NPAS2: variants seen among roughly 807,000 people sequenced by gnomAD.
NPAS2 encodes the protein neuronal PAS domain-containing protein 2.
NPAS2 carries 23 observed loss-of-function variants against 107.5 expected under a neutral mutation model. The ratio of observed to expected loss-of-function variants is 0.21; its 90% CI spans 0.15 to 0.30. The LOEUF (loss-of-function observed/expected upper bound fraction) is 0.30. NPAS2 is among the 10% of genes least tolerant of loss of function. The pLI is 1.00. For missense variants in NPAS2, 756 were observed against 1,043.3 expected (o/e 0.72, Z 3.79); for synonymous variants, 403 against 417.5 (o/e 0.97, Z 0.42).
chr2:100,824,974 G>A (rs1470116408), intron 1 of NPAS2, among the ~76,000 whole-genome samples: 3 of 152,176 alleles, frequency 2.0e-5, no homozygotes, highest in South Asian at 2.1e-4. Context: ...GGAAGGCATC[G>A]TCAGGCATGG....
chr2:100,928,654 C>G (rs1004847124), intron 3 of NPAS2, among the ~76,000 whole-genome samples: 1 of 152,160 alleles, frequency 6.6e-6, no homozygotes, highest in Non-Finnish European at 1.5e-5. Context: ...ATTTCATATT[C>G]AAAATAAAGC....
At position 100,968,081 on chromosome 2, in the gene NPAS2, G is replaced by A. The variant is rs915155621; in HGVS notation, c.908-200G>A. On this transcript the variant is annotated intron_variant, in intron 10 of 20. Transcript: ENST00000335681. The surrounding 1 kb of genome is among the most constrained non-coding windows in gnomAD (Gnocchi z 5.3). The stretch of plus-strand genomic sequence containing the variant: ...CGTCTGAGCATTTGGGAAAGTATAT[G>A]GATCACTCTTCCACTGTTTAAGAAT... 6.6e-6 allele frequency among the ~76,000 whole-genome samples: 1 copy of A among 152,162 alleles called. No individual in the cohort carries two copies. The highest frequency in any genetic ancestry group is 6.5e-5 in the Admixed American group (1 of 15,278).
chr2:100,827,533 C>G (rs1465566664), intron 1 of NPAS2, among the ~76,000 whole-genome samples: 1 of 152,066 alleles, frequency 6.6e-6, no homozygotes, highest in South Asian at 2.1e-4. Flanking sequence ...GTCCTTATCC[C>G]CTGGCTCCCT....
At chr2:100,932,412 G>A (rs890203485) in intron 3 of NPAS2, among the ~76,000 whole-genome samples, 1 of 152,204 alleles carries the variant, frequency 6.6e-6, no homozygotes, top group Admixed American at 6.5e-5. Flanking sequence ...TAATGGAAAT[G>A]CTGAAAAATA....
intron 1 of NPAS2, among the ~76,000 whole-genome samples, chr2:100,886,936 T>C (rs531262413): frequency 1.6e-4 from 24 of 152,356 alleles, no homozygotes; most frequent in African/African-American, 5.8e-4. Flanking sequence ...TAGATTTGAA[T>C]GTTTCTAAAA....
intron 12 of NPAS2, among the ~76,000 whole-genome samples, chr2:100,971,943 C>CTTT (rs562926280): frequency 7.3e-6 from 1 of 136,308 alleles, no homozygotes; most frequent in South Asian, 2.4e-4. Flanking sequence ...ATGAATTTTT[C>CTTT]TTTTTTTTTT....
intron 1 of NPAS2, among the ~76,000 whole-genome samples, chr2:100,848,688 C>G (rs1378191016): frequency 6.6e-6 from 1 of 152,200 alleles, no homozygotes. Flanking sequence ...TTCAACAATA[C>G]AGAGCTGGAA....
chr2:100,855,365 G>A (rs1678489674), intron 1 of NPAS2, among the ~76,000 whole-genome samples: 1 of 152,146 alleles, frequency 6.6e-6, no homozygotes, highest in Admixed American at 6.5e-5. Context: ...CGAAGGCCTC[G>A]ACCGCGGGTA....
chr2:100,841,959 C>G (rs1015348605), intron 1 of NPAS2, among the ~76,000 whole-genome samples: 2 of 152,190 alleles, frequency 1.3e-5, no homozygotes, highest in African/African-American at 2.4e-5. Context: ...TACATATACA[C>G]AAGCATGCAC....
Position 100,904,698 on chromosome 2 carries a change from T to C in NPAS2, c.-22-35T>C, listed in dbSNP as rs747843881. 6.6e-6 allele frequency: 9 copies of C among 1,364,970 alleles called. No individual in the cohort carries two copies. The African/African-American group carries it at 1.1e-4, about 16-fold the overall frequency. 84.6% of individuals were successfully genotyped at this position (1,364,970 alleles called of 1,614,324 possible). A position where few individuals can be genotyped will look rare whatever the true frequency, so the allele number is the denominator to read the frequency against. The stretch of plus-strand genomic sequence containing the variant: ...AAGATGTAGAAGCAGACAGTAATTA[T>C]CCATTCTTTTTAATTTTTTTTTTTT... On this transcript the variant is annotated intron_variant, in intron 1 of 20. Coordinates refer to ENST00000335681, the MANE Select transcript of NPAS2 (RefSeq NM_002518.4).
In NPAS2 at chr2:100,927,489, A is replaced by C. The variant is rs116681841; in HGVS notation, c.181+2195A>C. On this transcript the variant is annotated intron_variant, in intron 3 of 20. Coordinates refer to ENST00000335681, the MANE Select transcript of NPAS2 (RefSeq NM_002518.4). ...GACACAGCCAGGGAACCAACGACCC[A>C]GGTCAAGAAATAGAAGCTCCTTCCT... 3.5e-3 allele frequency among the ~76,000 whole-genome samples: 530 copies of C among 152,384 alleles called. 2 individuals carry two copies. The highest frequency in any genetic ancestry group is 0.012 in the African/African-American group (488 of 41,602).
chr2:100,938,820 C>T (rs753076129), intron 5 of NPAS2, among the ~76,000 whole-genome samples: 3 of 152,080 alleles, frequency 2.0e-5, no homozygotes, highest in Non-Finnish European at 4.4e-5. Flanking sequence ...AGGAGCAGCA[C>T]GTGTGATGGA....
At chr2:100,897,123 G>C (rs1420369492) in intron 1 of NPAS2, among the ~76,000 whole-genome samples, 2 of 151,874 alleles carry the variant, frequency 1.3e-5, no homozygotes, top group Non-Finnish European at 2.9e-5. Flanking sequence ...GATCTCATGA[G>C]CACCCACTCC....
intron 7 of NPAS2, among the ~76,000 whole-genome samples, chr2:100,959,756 A>G (rs1479456061): frequency 1.3e-5 from 2 of 152,166 alleles, no homozygotes; most frequent in Non-Finnish European, 2.9e-5. Flanking sequence ...CGAGAAAGCT[A>G]TTTGTCACTT....
chr2:100,956,019 C>T (rs1675547463), intron 7 of NPAS2, among the ~76,000 whole-genome samples: 2 of 152,140 alleles, frequency 1.3e-5, no homozygotes, highest in Non-Finnish European at 2.9e-5. Flanking sequence ...ATCCTCCCAC[C>T]TCAGCCTCCC....
At chr2:100,836,205 A>G (rs904194787) in intron 1 of NPAS2, among the ~76,000 whole-genome samples, 1 of 152,182 alleles carries the variant, frequency 6.6e-6, no homozygotes, top group Non-Finnish European at 1.5e-5. Flanking sequence ...ATAAACATCA[A>G]TAAAGTAATT....
chr2:100,957,646 G>A (rs957520666), intron 7 of NPAS2, among the ~76,000 whole-genome samples: 1 of 152,264 alleles, frequency 6.6e-6, no homozygotes, highest in Non-Finnish European at 1.5e-5. Context: ...GAAAGGTCCT[G>A]CCGGGCGCGG....
At chr2:100,986,371 T>G (rs993899965) in intron 16 of NPAS2, 1 of 152,274 alleles carries the variant, frequency 6.6e-6, no homozygotes, top group Non-Finnish European at 1.5e-5. Context: ...GGTGGGATCC[T>G]CGCCTGCCTC....
At chr2:100,973,713 C>A (rs1024738490) in intron 12 of NPAS2, among the ~76,000 whole-genome samples, 1 of 152,238 alleles carries the variant, frequency 6.6e-6, no homozygotes. Context: ...GGACACAGAC[C>A]AGCCCATTGA....
Sources: gnomAD v4.1 joint callset for allele counts (sites outside exome capture counted in the v4.1 genomes callset) on GRCh38, gnomAD v4.1.1 for gene constraint, Gnocchi (gnomAD v3.1) non-coding constraint, MANE v1.5 for transcripts, NCBI Gene and HGNC (gene_info 2026-07-23, HGNC 2026-07-21) for gene names.